The following CACNB1 variants were observed in gnomAD, a reference collection of about 807,000 sequenced individuals.
The protein encoded by CACNB1 is calcium voltage-gated channel auxiliary subunit beta 1.
CACNB1 carries 29 observed loss-of-function variants against 71.6 expected under a neutral mutation model. The ratio of observed to expected loss-of-function variants is 0.40; its 90% CI spans 0.30 to 0.55. The LOEUF is 0.55. Among genes scored for constraint, CACNB1 ranks in the 20% least tolerant of loss-of-function variants. CACNB1 has a pLI of 0.38. For missense variants in CACNB1, 623 were observed against 801.8 expected, an observed-to-expected ratio of 0.78 and a Z score of 2.69; for synonymous variants, 300 against 319.6, an observed-to-expected ratio of 0.94 and a Z score of 0.65.
At chr17:39,195,865 G>T (rs2046191359) in intron 1 of CACNB1, among the ~76,000 whole-genome samples, 1 of 152,174 alleles carries the variant, frequency 6.6e-6, no homozygotes, top group Admixed American at 6.5e-5. Context: ...CAGCCCCACA[G>T]ATCTCTAGGG....
chr17:39,195,246 G>A, intron 1 of CACNB1: 1 of 355,828 alleles, frequency 2.8e-6, no homozygotes. Context: ...GAGAGGCTGG[G>A]AAGGGGGGAG....
chr17:39,187,426 C>T, intron 4 of CACNB1, 53 bp downstream of exon 4: 1 of 1,608,634 alleles, frequency 6.2e-7, no homozygotes, highest in Non-Finnish European at 8.5e-7. Flanking sequence ...CACTAGCACT[C>T]TGGCTGCCTG....
intron 1 of CACNB1, chr17:39,195,249 G>T (rs750713797): frequency 5.8e-6 from 2 of 344,712 alleles, no homozygotes; most frequent in Non-Finnish European, 1.1e-5. Flanking sequence ...AGGCTGGGAA[G>T]GGGGGAGGCG....
At position 39,186,227 on chromosome 17, in the gene CACNB1, G is replaced by A. The variant is rs2045936275; in HGVS notation, c.628+269C>T. ...ATGGGGAAAAAAGAAAGAAGAAGAG[G>A]TGAATGGAACAGGGCTGGGAGAAAT... On this transcript the variant is annotated intron_variant, in intron 6 of 13. Coordinates refer to ENST00000394303, the MANE Select transcript of CACNB1 (RefSeq NM_000723.5). The surrounding 1 kb of genome is among the most constrained non-coding windows in gnomAD (Gnocchi z 4.1). The A allele has an allele frequency of 2.5e-6, 2 of 812,610 alleles. No homozygotes were observed. The highest frequency in any genetic ancestry group is 4.0e-6 in the Non-Finnish European group (2 of 494,294). The allele number at this position is 812,610 out of a possible 1,614,324, so 50.3% of individuals were successfully genotyped here.
intron 10 of CACNB1, 75 bp downstream of exon 10, chr17:39,183,956 A>G (rs2045858898): frequency 6.5e-7 from 1 of 1,546,284 alleles, no homozygotes; most frequent in African/African-American, 1.4e-5. Flanking sequence ...GGCCCTGCCC[A>G]CTACCTCCCA....
chr17:39,192,394 C>T (rs147254416), intron 2 of CACNB1: 2 of 152,382 alleles, frequency 1.3e-5, no homozygotes, highest in Non-Finnish European at 2.9e-5. Context: ...ACATGTTGCC[C>T]GTACAGACCT....
chr17:39,193,695 G>T (rs2046144224), intron 2 of CACNB1: 1 of 224,928 alleles, frequency 4.4e-6, no homozygotes. Flanking sequence ...TGGAGGCTGG[G>T]GTCTGACTCC....
Position 39,175,738 on chromosome 17 carries a change from C to T in CACNB1, c.1333-81G>A. 1 of 1,180,310 alleles carries T rather than the reference C, an allele frequency of 8.5e-7. No individual in the cohort carries two copies. 73.1% of individuals were successfully genotyped at this position (1,180,310 alleles called of 1,614,324 possible). On this transcript the variant is annotated intron_variant, in intron 13 of 13. Coordinates refer to ENST00000394303, the MANE Select transcript of CACNB1 (RefSeq NM_000723.5). This position sits in a 1 kb window ranked among gnomAD's most constrained non-coding sequence, Gnocchi z 4.7. Reference sequence around the variant, plus strand: ...ACAACAAAGCAAGGCAAGTTAGTGACAGCATTAAGAGGTCCGGCCTGGATG... The same window carrying T: ...ACAACAAAGCAAGGCAAGTTAGTGATAGCATTAAGAGGTCCGGCCTGGATG...
chr17:39,190,617 G>A (rs1018397730), intron 3 of CACNB1, among the ~76,000 whole-genome samples: 3 of 151,326 alleles, frequency 2.0e-5, no homozygotes, highest in South Asian at 2.1e-4. Context: ...TAGTAGAGAC[G>A]GGGTTTCACC....
intron 13 of CACNB1, among the ~76,000 whole-genome samples, chr17:39,176,941 TGGGTCTAAAAA>T (rs1286051593): frequency 1.3e-5 from 2 of 152,186 alleles, no homozygotes; most frequent in East Asian, 3.9e-4. Context: ...CCTGCTCTGT[TGGGTCTAAAAA>T]GGGTGTGGAG....
chr17:39,185,041 TG>T, intron 7 of CACNB1, 89 bp downstream of exon 7: 1 of 1,216,262 alleles, frequency 8.2e-7, no homozygotes, highest in Non-Finnish European at 1.2e-6. Flanking sequence ...GTGGGGGAAA[TG>T]GGGGACAGAT....
chr17:39,185,268 A>C, intron 6 of CACNB1, 118 bp from the exon 7 acceptor site: 1 of 799,386 alleles, frequency 1.3e-6, no homozygotes. Context: ...CGGGCAGACG[A>C]GGAGAGATAA....
chr17:39,186,849 C>T lies in CACNB1; in HGVS notation c.495G>A (p.Leu165=). 6.2e-7 allele frequency: 1 copy of T among 1,614,116 alleles called. No individual in the cohort carries two copies. Among genetic ancestry groups the T allele is most frequent in the African/African-American group, 1.3e-5 (1 of 75,036 alleles). The change falls in exon 5 of 14, where the codon CTG becomes CTA. Residue 165 remains leucine (L), a synonymous_variant. Coordinates refer to ENST00000394303, the MANE Select transcript of CACNB1 (RefSeq NM_000723.5). The surrounding 1 kb of genome is among the most constrained non-coding windows in gnomAD (Gnocchi z 4.1). ...GTTCCTGCAGCAGGCGAAGGCTGTC[C>T]AGTTTGACGGGGCTGGGAATGAAGC... ...EVGFIPSPVK[L]DSLRLLQEQK... is the part of the protein sequence containing the mutation.
At position 39,175,765 on chromosome 17, in the gene CACNB1, A is replaced by T; in HGVS notation, c.1333-108T>A. On this transcript the variant is annotated intron_variant, in intron 13 of 13. Coordinates refer to ENST00000394303, the MANE Select transcript of CACNB1 (RefSeq NM_000723.5). This position sits in a 1 kb window ranked among gnomAD's most constrained non-coding sequence, Gnocchi z 4.7. The stretch of plus-strand genomic sequence containing the variant: ...GCATTAAGAGGTCCGGCCTGGATGA[A>T]GAGGGTGCTGGCTCTAGAGGAGGGG... The T allele has an allele frequency of 3.3e-6, 3 of 915,770 alleles. No individual in the cohort carries two copies. Among genetic ancestry groups the T allele is most frequent in the Non-Finnish European group, 3.2e-6 (2 of 619,448 alleles). The allele number at this position is 915,770 out of a possible 1,614,324, so 56.7% of individuals were successfully genotyped here. A position where few individuals can be genotyped will look rare whatever the true frequency, so the allele number is the denominator to read the frequency against.
rs1311214436 is a variant in CACNB1 at position 39,175,742 on chromosome 17, A to G, written c.1333-85T>C. The G allele has an allele frequency of 3.6e-6, 4 of 1,124,750 alleles. No individual in the cohort carries two copies. The African/African-American group carries it at 4.7e-5, about 13-fold the overall frequency. 69.7% of individuals were successfully genotyped at this position (1,124,750 alleles called of 1,614,324 possible). ...CAAAGCAAGGCAAGTTAGTGACAGC[A>G]TTAAGAGGTCCGGCCTGGATGAAGA... On this transcript the variant is annotated intron_variant, in intron 13 of 13. Transcript: ENST00000394303. The surrounding 1 kb of genome is among the most constrained non-coding windows in gnomAD (Gnocchi z 4.7).
chr17:39,180,262 CAA>C (rs113605525), intron 11 of CACNB1, among the ~76,000 whole-genome samples: 10 of 116,700 alleles, frequency 8.6e-5, no homozygotes, highest in East Asian at 2.5e-4. Flanking sequence ...GACCCTAGCT[CAA>C]AAAAAAAAAA....
chr17:39,191,290 T>C (rs1459660907), intron 3 of CACNB1, among the ~76,000 whole-genome samples, 184 bp downstream of exon 3: 1 of 152,130 alleles, frequency 6.6e-6, no homozygotes, highest in African/African-American at 2.4e-5. Flanking sequence ...ATTATACTTA[T>C]TATACTGTAT....
chr17:39,191,659 A>C (rs1409395332), intron 2 of CACNB1, 66 bp from the exon 3 acceptor site: 4 of 1,548,548 alleles, frequency 2.6e-6, no homozygotes, highest in Non-Finnish European at 3.5e-6. Context: ...CTGGGAAGGC[A>C]TGGAGGTGCC....
At chr17:39,187,143 C>A in intron 4 of CACNB1, 2 of 610,900 alleles carry the variant, frequency 3.3e-6, no homozygotes, top group Non-Finnish European at 5.8e-6. Context: ...GACCACCCTG[C>A]CACCGGCCCA....
Sources: allele counts gnomAD v4.1 joint callset (sites outside exome capture counted in the v4.1 genomes callset), GRCh38; gene constraint gnomAD v4.1.1; non-coding constraint Gnocchi (gnomAD v3.1); transcripts MANE v1.5; gene names NCBI Gene and HGNC (gene_info 2026-07-23, HGNC 2026-07-21).